The following SNRNP40 variants were observed in gnomAD, a reference collection of about 807,000 sequenced individuals.
SNRNP40 encodes the protein small nuclear ribonucleoprotein U5 subunit 40.
SNRNP40 carries 21 observed loss-of-function variants against 45.8 expected under a neutral mutation model. The observed-to-expected ratio is 0.46, with a 90% CI of 0.32 to 0.66. The LOEUF (loss-of-function observed/expected upper bound fraction) is 0.66. Among genes scored for constraint, SNRNP40 ranks in the 30% least tolerant of loss-of-function variants. The pLI is 0.03. For missense variants in SNRNP40, 344 were observed against 439.1 expected (o/e 0.78, Z 1.94); for synonymous variants, 142 against 163.8 (o/e 0.87, Z 1.01).
chr1:31,278,938 G>T (rs1169016737), intron 5 of SNRNP40, among the ~76,000 whole-genome samples: 1 of 152,054 alleles, frequency 6.6e-6, no homozygotes, highest in African/African-American at 2.4e-5. Flanking sequence ...AGAAGGAGAA[G>T]AAACTACCAG....
At chr1:31,280,761 G>T (rs2148386717) in intron 5 of SNRNP40, among the ~76,000 whole-genome samples, 2 of 147,100 alleles carry the variant, frequency 1.4e-5, no homozygotes, top group South Asian at 4.4e-4. Flanking sequence ...TGTGGTAGAT[G>T]CTACTGTTTT....
chr1:31,281,611 A>T (rs1646017050), intron 4 of SNRNP40, 115 bp from the exon 5 acceptor site: 1 of 847,120 alleles, frequency 1.2e-6, no homozygotes, highest in African/African-American at 1.7e-5. Flanking sequence ...TATAATTGGG[A>T]TCCTATATCA....
chr1:31,293,313 G>T lies in SNRNP40; in HGVS notation c.177C>A (p.Ile59=), dbSNP rs759274874. The T allele has an allele frequency of 1.9e-6, 3 of 1,613,396 alleles. No homozygotes were observed. The highest frequency in any genetic ancestry group is 2.7e-5 in the African/African-American group (2 of 74,876). The change falls in exon 2 of 10, where the codon ATC becomes ATA. Residue 59 remains isoleucine (I), a synonymous_variant. Transcript: ENST00000263694. ...CCCCTTCATGTCCAGAGAGCAGCAT[G>T]ATTGGGGCTTGAAGGGAGGAACATC... ...PPRCSSLQAP[I]MLLSGHEGEV... is the part of the protein sequence containing the mutation.
intron 6 of SNRNP40, among the ~76,000 whole-genome samples, chr1:31,269,838 G>A (rs549007719): frequency 1.3e-5 from 2 of 152,280 alleles, no homozygotes; most frequent in South Asian, 4.1e-4. Flanking sequence ...GAGATTGTTT[G>A]TGTCTTGGTT....
intron 2 of SNRNP40, 46 bp from the exon 3 acceptor site, chr1:31,292,052 T>C (rs1435868889): frequency 7.9e-7 from 1 of 1,269,300 alleles, no homozygotes; most frequent in Non-Finnish European, 1.2e-6. Flanking sequence ...CAAAGGGTAC[T>C]TATAAATTTA....
At position 31,281,524 on chromosome 1, in the gene SNRNP40, A is replaced by G. The variant is rs200429982; in HGVS notation, c.532-28T>C. The stretch of plus-strand genomic sequence containing the variant: ...GAAGCAAAGGACAAGACAGTCTATC[A>G]GCAACATCATTCTAAGAAGCAATTG... On this transcript the variant is annotated intron_variant, in intron 4 of 9. Transcript: ENST00000263694. 7 of 1,577,112 alleles carry G rather than the reference A, an allele frequency of 4.4e-6. No homozygotes were observed. The Admixed American group carries it at 1.0e-4, about 23-fold the overall frequency.
chr1:31,278,049 A>C (rs1645988828), intron 5 of SNRNP40, among the ~76,000 whole-genome samples: 1 of 152,192 alleles, frequency 6.6e-6, no homozygotes, highest in Non-Finnish European at 1.5e-5. Context: ...TCATCACCCC[A>C]AAAATTTCCT....
At chr1:31,279,657 G>T in intron 5 of SNRNP40, among the ~76,000 whole-genome samples, 1 of 152,048 alleles carries the variant, frequency 6.6e-6, no homozygotes, top group Non-Finnish European at 1.5e-5. Context: ...TGAGGCAAGA[G>T]AATTGCTTGA....
intron 4 of SNRNP40, among the ~76,000 whole-genome samples, chr1:31,284,774 T>G (rs906272725): frequency 2.6e-5 from 4 of 152,186 alleles, no homozygotes; most frequent in African/African-American, 9.7e-5. Flanking sequence ...CTCCCAATTC[T>G]CATGGTTTAG....
intron 1 of SNRNP40, among the ~76,000 whole-genome samples, chr1:31,294,440 G>A (rs1569680130): frequency 6.9e-6 from 1 of 145,482 alleles, no homozygotes; most frequent in African/African-American, 2.4e-5. Flanking sequence ...GTACTTCCCA[G>A]CATTTTCATA....
chr1:31,265,607 G>A (rs1256422854), intron 8 of SNRNP40, among the ~76,000 whole-genome samples: 6 of 152,182 alleles, frequency 3.9e-5, no homozygotes, highest in Admixed American at 6.5e-5. Context: ...TTGGGAGGCC[G>A]AGGCAGGCGG....
intron 3 of SNRNP40, among the ~76,000 whole-genome samples, chr1:31,290,015 A>G (rs551218853): frequency 3.4e-4 from 52 of 152,204 alleles, no homozygotes; most frequent in African/African-American, 1.2e-3. Flanking sequence ...CTGTGCCACC[A>G]TGCTCAGTTA....
At chr1:31,289,514 G>C in intron 3 of SNRNP40, 95 bp from the exon 4 acceptor site, 1 of 1,131,770 alleles carries the variant, frequency 8.8e-7, no homozygotes, top group Non-Finnish European at 1.3e-6. Context: ...AATTTTTCAA[G>C]ATCACTGACC....
rs1157420099 is a variant in SNRNP40 at position 31,292,235 on chromosome 1, C to T, written c.272-229G>A. On this transcript the variant is annotated intron_variant, in intron 2 of 9. Coordinates refer to ENST00000263694, the MANE Select transcript of SNRNP40 (RefSeq NM_004814.3). ...AAAATCAGCCAGGTGTAGTGGCAGACGCCTACAATCCCAGCTCTTGGGAGA... is the reference window on the plus strand; with the variant it reads ...AAAATCAGCCAGGTGTAGTGGCAGATGCCTACAATCCCAGCTCTTGGGAGA... Among the ~76,000 whole-genome samples, 6 of 152,134 alleles carry T rather than the reference C, an allele frequency of 3.9e-5. No individual in the cohort carries two copies. The South Asian group carries it at 6.3e-4, about 16-fold the overall frequency.
chr1:31,282,785 C>T (rs185201371), intron 4 of SNRNP40, among the ~76,000 whole-genome samples: 65 of 152,280 alleles, frequency 4.3e-4, no homozygotes, highest in African/African-American at 1.5e-3. Context: ...AAGCAATTCT[C>T]ATGTCTCAGC....
rs75865561 is a variant in SNRNP40 at position 31,273,975 on chromosome 1, T to G, written c.655-2476A>C. On this transcript the variant is annotated intron_variant, in intron 5 of 9. Transcript: ENST00000263694. Reference sequence around the variant, plus strand: ...GAAGTTTTTTTTTGTTTTTGTTTTTTTTTTAACTTAGACAAAGTGGAAGGG... The same window carrying G: ...GAAGTTTTTTTTTGTTTTTGTTTTTGTTTTAACTTAGACAAAGTGGAAGGG... Among the ~76,000 whole-genome samples, 2,088 of 152,052 alleles carry G rather than the reference T, an allele frequency of 0.014. 92 individuals carry two copies. In the East Asian group the frequency reaches 0.17, roughly 12 times the overall value.
At position 31,289,321 on chromosome 1, in the gene SNRNP40, T is replaced by A; in HGVS notation, c.464A>T (p.Asn155Ile). Residue 155 changes from asparagine (N) to isoleucine (I), a missense_variant, in exon 4 of 10, where the codon AAT becomes ATT. Around this residue, in one of 2 missense-constraint regions of SNRNP40, gnomAD observed 254 missense variants for 380.2 expected, o/e 0.67. Transcript: ENST00000263694. ...GCCTCTCCTGGCTGGATAACAGGAA[T>A]TCACAAAGGAAGTATGTCCCTTTAG... ...KRLKGHTSFV[N>I]SCYPARRGPQ... The A allele has an allele frequency of 6.2e-7, 1 of 1,613,902 alleles. No homozygotes were observed. Among genetic ancestry groups the A allele is most frequent in the Non-Finnish European group, 8.5e-7 (1 of 1,179,760 alleles).
At chr1:31,271,342 C>T (rs201675636) in intron 6 of SNRNP40, 37 bp downstream of exon 6, 30 of 1,591,036 alleles carry the variant, frequency 1.9e-5, no homozygotes, top group Non-Finnish European at 2.3e-5. Flanking sequence ...TTGACTTTTT[C>T]CTTGGATCCT....
At chr1:31,261,434 C>T (rs964635871) in intron 9 of SNRNP40, 95 bp downstream of exon 9, 6 of 753,398 alleles carry the variant, frequency 8.0e-6, no homozygotes, top group Admixed American at 2.6e-5. Context: ...CATGGAAATT[C>T]GTATAAAACA....
Sources: gnomAD v4.1 joint callset for allele counts (sites outside exome capture counted in the v4.1 genomes callset) on GRCh38, gnomAD v4.1.1 for gene constraint, gnomAD v4.1.1 regional missense constraint, MANE v1.5 for transcripts, NCBI Gene and HGNC (gene_info 2026-07-23, HGNC 2026-07-21) for gene names.